EPB41L4A: variants seen among roughly 807,000 people sequenced by gnomAD.
The protein encoded by EPB41L4A is erythrocyte membrane protein band 4.1 like 4A.
Under a neutral mutation model 108.6 loss-of-function variants are expected in EPB41L4A, and 100 were observed. The observed-to-expected ratio is 0.92, with a 90% CI of 0.78 to 1.09. The LOEUF is 1.09. EPB41L4A is among the 50% of genes least tolerant of loss of function. The pLI is 0.00. For synonymous variants in EPB41L4A, 319 were observed against 289.0 expected, an observed-to-expected ratio of 1.10 and a Z score of -1.05; for missense variants, 1,030 against 842.7, an observed-to-expected ratio of 1.22 and a Z score of -2.75.
At chr5:112,359,542 T>G (rs1048901669) in intron 1 of EPB41L4A, among the ~76,000 whole-genome samples, 2 of 129,326 alleles carry the variant, frequency 1.5e-5, no homozygotes, top group Admixed American at 7.5e-5. Context: ...CTTGAAAGTC[T>G]TCTTTTTTTT....
downstream of EPB41L4A, among the ~76,000 whole-genome samples, chr5:112,159,907 T>C (rs1423716545): frequency 6.6e-6 from 1 of 150,758 alleles, no homozygotes. Flanking sequence ...TTTACTTTTT[T>C]TTTTTTTTTT....
intron 17 of EPB41L4A, among the ~76,000 whole-genome samples, chr5:112,189,093 T>C (rs1761563696): frequency 6.6e-6 from 1 of 152,228 alleles, no homozygotes; most frequent in South Asian, 2.1e-4. Context: ...CTAAAAGACA[T>C]CTAAAAGACC....
intron 15 of EPB41L4A, among the ~76,000 whole-genome samples, chr5:112,201,047 A>G (rs1762195495): frequency 6.6e-6 from 1 of 152,206 alleles, no homozygotes; most frequent in African/African-American, 2.4e-5. Context: ...TAATCCAGCA[A>G]TGTAGAGGTT....
At position 112,411,001 on chromosome 5, in the gene EPB41L4A, C is replaced by A. The variant is rs186002705; in HGVS notation, c.99+7940G>T. ...ACCCGCCCTGAACCTCCTTTCCTTG[C>A]CCCTGGATTCCCTGATAGGTGAGCT... On this transcript the variant is annotated intron_variant, in intron 1 of 22. Coordinates refer to ENST00000261486, the MANE Select transcript of EPB41L4A (RefSeq NM_022140.5). Among the ~76,000 whole-genome samples the A allele has an allele frequency of 1.1e-4, 17 of 152,274 alleles. No homozygotes were observed. The East Asian group carries it at 3.1e-3, about 28-fold the overall frequency.
chr5:112,234,658 G>T lies in EPB41L4A; in HGVS notation c.1063C>A (p.Arg355=), dbSNP rs759115856. The T allele has an allele frequency of 8.7e-6, 14 of 1,613,364 alleles. No individual in the cohort carries two copies. The South Asian group carries it at 1.3e-4, about 15-fold the overall frequency. ...TRSRSKTYPK[R]IAQTQPAESN... is the part of the protein sequence containing the mutation. ...CCAGCTGGCTGTGTTTGTGCTATTCGCTTAGGGTAAGTCTTGCTTCGACTT... is the reference window on the plus strand; with the variant it reads ...CCAGCTGGCTGTGTTTGTGCTATTCTCTTAGGGTAAGTCTTGCTTCGACTT... The change falls in exon 12 of 23, where the codon CGA becomes AGA. Residue 355 remains arginine (R), a synonymous_variant. Coordinates refer to ENST00000261486, the MANE Select transcript of EPB41L4A (RefSeq NM_022140.5).
intron 2 of EPB41L4A, among the ~76,000 whole-genome samples, chr5:112,297,594 C>G (rs1490945377): frequency 1.3e-5 from 2 of 152,176 alleles, no homozygotes; most frequent in Non-Finnish European, 2.9e-5. Flanking sequence ...TCTGTTTACT[C>G]TGCTGACTGT....
At chr5:112,274,889 TAG>T (rs1204612310) in intron 4 of EPB41L4A, among the ~76,000 whole-genome samples, 1 of 152,162 alleles carries the variant, frequency 6.6e-6, no homozygotes, top group Non-Finnish European at 1.5e-5. Flanking sequence ...TCATTTCCTA[TAG>T]AGATAAATGA....
intron 14 of EPB41L4A, 86 bp from the exon 15 acceptor site, chr5:112,204,574 C>G (rs1182988292): frequency 2.6e-6 from 2 of 766,922 alleles, no homozygotes; most frequent in Non-Finnish European, 4.5e-6. Context: ...CATAACTGCA[C>G]AGCTGGTACT....
intron 7 of EPB41L4A, 24 bp downstream of exon 7, chr5:112,262,470 T>C (rs1388869142): frequency 6.3e-7 from 1 of 1,592,794 alleles, no homozygotes; most frequent in Admixed American, 1.7e-5. Flanking sequence ...TTAAAATATT[T>C]TGTGTTAATT....
At chr5:112,231,761 C>T (rs867199155) in intron 12 of EPB41L4A, among the ~76,000 whole-genome samples, 2 of 125,524 alleles carry the variant, frequency 1.6e-5, no homozygotes, top group Admixed American at 9.7e-5. Context: ...GTCCGCAGTC[C>T]GGCCTGGGCG....
At chr5:112,247,878 C>T (rs1413837493) in intron 9 of EPB41L4A, among the ~76,000 whole-genome samples, 1 of 152,156 alleles carries the variant, frequency 6.6e-6, no homozygotes, top group Admixed American at 6.5e-5. Flanking sequence ...CAGACCTTAT[C>T]ACAGGATACC....
chr5:112,379,060 A>G (rs1760000716), intron 1 of EPB41L4A, among the ~76,000 whole-genome samples: 1 of 152,176 alleles, frequency 6.6e-6, no homozygotes, highest in Non-Finnish European at 1.5e-5. Flanking sequence ...AAGGTGGTGG[A>G]ACACACTGAG....
intron 18 of EPB41L4A, among the ~76,000 whole-genome samples, chr5:112,172,078 T>A (rs529980463): frequency 6.6e-6 from 1 of 152,216 alleles, no homozygotes; most frequent in East Asian, 1.9e-4. Context: ...TTTTCCTTTG[T>A]GCAGGGGGAA....
At chr5:112,274,218 C>G (rs1752464314) in intron 4 of EPB41L4A, among the ~76,000 whole-genome samples, 1 of 152,042 alleles carries the variant, frequency 6.6e-6, no homozygotes, top group African/African-American at 2.4e-5. Flanking sequence ...AGTTTGAGGT[C>G]ACAGTGAGCT....
intron 1 of EPB41L4A, among the ~76,000 whole-genome samples, chr5:112,371,156 C>T (rs896721413): frequency 1.6e-4 from 24 of 152,082 alleles, no homozygotes; most frequent in Non-Finnish European, 3.2e-4. Context: ...TGTGTATACC[C>T]TTGTGTGTGT....
chr5:112,393,405 G>A (rs548284231), intron 1 of EPB41L4A, among the ~76,000 whole-genome samples: 2 of 151,756 alleles, frequency 1.3e-5, no homozygotes, highest in East Asian at 3.9e-4. Context: ...ATGATAAAGG[G>A]GATACCACCA....
At position 112,345,776 on chromosome 5, in the gene EPB41L4A, TATATACACAC is replaced by T. The variant is rs773948828; in HGVS notation, c.100-38296_100-38287del. Among the ~76,000 whole-genome samples, 359 of 39,712 alleles carry T rather than the reference TATATACACAC, an allele frequency of 9.0e-3. 6 individuals carry two copies. The highest frequency in any genetic ancestry group is 0.08 in the East Asian group (175 of 2,180). 26.1% of individuals were successfully genotyped at this position (39,712 alleles called of 152,430 possible). ...ATGCATATATATATATACATATATATATATACACACACACACACACACACACACACACACA... is the reference window on the plus strand; with the variant it reads ...ATGCATATATATATATACATATATATACACACACACACACACACACACACA... On this transcript the variant is annotated intron_variant, in intron 1 of 22. Coordinates refer to ENST00000261486, the MANE Select transcript of EPB41L4A (RefSeq NM_022140.5).
In EPB41L4A at chr5:112,307,409, A is replaced by T. The variant is rs1190935721; in HGVS notation, c.181T>A (p.Tyr61Asn). 6.2e-7 allele frequency: 1 copy of T among 1,612,636 alleles called. No homozygotes were observed. Among genetic ancestry groups the T allele is most frequent in the Non-Finnish European group, 8.5e-7 (1 of 1,178,786 alleles). Reference protein sequence around the residue: ...LVEIDYFGLRYCDRSHQTYWL... With the variant: ...LVEIDYFGLRNCDRSHQTYWL... ...ACCGTCTGATGGCTTCTGTCACAGT[A>T]ACGTAGCCCAAAATAATCTATCTCC... The change falls in exon 2 of 23, where the codon TAC becomes AAC. Residue 61 changes from tyrosine (Y) to asparagine (N), a missense_variant. By Grantham distance (143) the Tyr-to-Asn change is moderately radical. Coordinates refer to ENST00000261486, the MANE Select transcript of EPB41L4A (RefSeq NM_022140.5).
At chr5:112,186,044 G>T (rs964686677) in intron 17 of EPB41L4A, among the ~76,000 whole-genome samples, 2 of 152,096 alleles carry the variant, frequency 1.3e-5, no homozygotes, top group African/African-American at 2.4e-5. Flanking sequence ...CTTCCTACAG[G>T]AACCCACACC....
Sources: gnomAD v4.1 joint callset for allele counts (sites outside exome capture counted in the v4.1 genomes callset) on GRCh38, gnomAD v4.1.1 for gene constraint, MANE v1.5 for transcripts, NCBI Gene and HGNC (gene_info 2026-07-23, HGNC 2026-07-21) for gene names.